Variants in PRLR observed in about 807,000 individuals in gnomAD.
PRLR encodes hPRL receptor.
PRLR carries 13 observed loss-of-function variants against 40.2 expected under a neutral mutation model. That is an observed-to-expected ratio of 0.32 (90% CI 0.21 to 0.51). The LOEUF (loss-of-function observed/expected upper bound fraction) is 0.51, where lower values mean the gene tolerates loss of function less well. PRLR is among the 20% of genes least tolerant of loss of function. The probability of loss-of-function intolerance (pLI) is 0.97; values close to 1 mark genes in which losing one functional copy is unlikely to be tolerated. For missense variants in PRLR, 656 were observed against 747.3 expected (o/e 0.88, Z 1.42); for synonymous variants, 269 against 278.7 (o/e 0.97, Z 0.35).
chr5:35,165,897 T>C (rs1415188057), intron 1 of PRLR, among the ~76,000 whole-genome samples: 3 of 152,222 alleles, frequency 2.0e-5, no homozygotes, highest in Admixed American at 1.3e-4. Context: ...AGGAGAAACC[T>C]GGGACTTGTT....
chr5:35,069,864 G>A lies in PRLR; in HGVS notation c.685+260C>T, dbSNP rs186609463. 6.0e-3 allele frequency among the ~76,000 whole-genome samples: 910 copies of A among 152,306 alleles called. 6 individuals carry two copies. The highest frequency in any genetic ancestry group is 0.01 in the Non-Finnish European group (690 of 68,028). On this transcript the variant is annotated intron_variant, in intron 7 of 9. Coordinates refer to ENST00000618457, the MANE Select transcript of PRLR (RefSeq NM_000949.7). ...GATGGGAATAGGGAAGATGGTGGGA[G>A]CATAATAACTGCTCATCAAGCCCCT...
rs1016717700 is a variant in PRLR, at chr5:35,061,806, G to A, written c.*3283C>T. 6 of 152,070 alleles carry A rather than the reference G, an allele frequency of 3.9e-5. No individual in the cohort carries two copies. Among genetic ancestry groups the A allele is most frequent in the African/African-American group, 1.4e-4 (6 of 41,476 alleles). 9.4% of individuals were successfully genotyped at this position (152,070 alleles called of 1,614,324 possible). A position where few individuals can be genotyped will look rare whatever the true frequency, so the allele number is the denominator to read the frequency against. On this transcript the variant is annotated 3_prime_UTR_variant, in exon 10 of 10. Coordinates refer to ENST00000618457, the MANE Select transcript of PRLR (RefSeq NM_000949.7). The stretch of plus-strand genomic sequence containing the variant: ...TATAACTCAGAGTGTAAGGATACAT[G>A]AGCCAACTGTGCAATGGTTGTTAAC...
At chr5:35,164,663 G>A (rs945142971) in intron 1 of PRLR, among the ~76,000 whole-genome samples, 5 of 152,138 alleles carry the variant, frequency 3.3e-5, no homozygotes, top group Non-Finnish European at 5.9e-5. Context: ...AGCCACAAGC[G>A]TTTAAATTAG....
intron 1 of PRLR, among the ~76,000 whole-genome samples, chr5:35,205,499 A>G (rs1236795079): frequency 6.6e-6 from 1 of 152,058 alleles, no homozygotes; most frequent in Non-Finnish European, 1.5e-5. Flanking sequence ...TCCTCTGCCA[A>G]ATAGAACCAT....
intron 1 of PRLR, among the ~76,000 whole-genome samples, chr5:35,205,443 G>T (rs1206407944): frequency 2.0e-5 from 3 of 152,180 alleles, no homozygotes; most frequent in African/African-American, 7.2e-5. Flanking sequence ...CTTCTTCAAA[G>T]AAAGTAAGTA....
At chr5:35,185,926 C>T (rs572955739) in intron 1 of PRLR, among the ~76,000 whole-genome samples, 4 of 151,944 alleles carry the variant, frequency 2.6e-5, no homozygotes, top group African/African-American at 9.7e-5. Flanking sequence ...TTCTCTGATT[C>T]GTCGAATGTC....
rs1162630190 is a variant in PRLR at position 35,058,311 on chromosome 5, CAGAAG to C, written c.*6773_*6777del. On this transcript the variant is annotated 3_prime_UTR_variant, in exon 10 of 10. Transcript: ENST00000618457. ...ATAACTTCACTTCAATATGGCTTTA[CAGAAG>C]ACACAGTCACCCAACAGGCTGGTTC... 38 of 152,136 alleles carry C rather than the reference CAGAAG, an allele frequency of 2.5e-4. No individual in the cohort carries two copies. The highest frequency in any genetic ancestry group is 8.5e-4 in the African/African-American group (35 of 41,420). 9.4% of individuals were successfully genotyped at this position (152,136 alleles called of 1,614,324 possible).
At chr5:35,070,379 C>G (rs1769672212) in intron 6 of PRLR, 114 bp from the exon 7 acceptor site, 10 of 1,107,482 alleles carry the variant, frequency 9.0e-6, no homozygotes, top group Non-Finnish European at 1.3e-5. Context: ...AGAGAATTCC[C>G]TGCTGTCACT....
intron 5 of PRLR, among the ~76,000 whole-genome samples, chr5:35,077,508 C>A (rs1405747339): frequency 6.6e-6 from 1 of 151,042 alleles, no homozygotes; most frequent in Admixed American, 6.6e-5. Flanking sequence ...TGCTAACTAT[C>A]CTAAATATGT....
At position 35,058,946 on chromosome 5, in the gene PRLR, T is replaced by C. The variant is rs1298194425; in HGVS notation, c.*6143A>G. On this transcript the variant is annotated 3_prime_UTR_variant, in exon 10 of 10. Coordinates refer to ENST00000618457, the MANE Select transcript of PRLR (RefSeq NM_000949.7). ...AGGACATTAGGACACAAAAGGGAGG[T>C]AGTTACTTTAAAAAATTCAAAATTA... The C allele has an allele frequency of 6.6e-6, 1 of 151,908 alleles. No individual in the cohort carries two copies. Among genetic ancestry groups the C allele is most frequent in the East Asian group, 1.9e-4 (1 of 5,176 alleles). 9.4% of individuals were successfully genotyped at this position (151,908 alleles called of 1,614,324 possible). A position where few individuals can be genotyped will look rare whatever the true frequency, so the allele number is the denominator to read the frequency against.
chr5:35,123,958 G>T (rs1222172999), intron 1 of PRLR, among the ~76,000 whole-genome samples: 1 of 152,114 alleles, frequency 6.6e-6, no homozygotes, highest in African/African-American at 2.4e-5. Context: ...ATTTCTGAAA[G>T]AATTATAACA....
chr5:35,087,349 C>T (rs1770918434), intron 3 of PRLR, among the ~76,000 whole-genome samples: 1 of 151,962 alleles, frequency 6.6e-6, no homozygotes, highest in South Asian at 2.1e-4. Flanking sequence ...TCTGTCTCCT[C>T]ATCCACCCCA....
At chr5:35,174,954 C>T (rs1170449549) in intron 1 of PRLR, among the ~76,000 whole-genome samples, 1 of 152,172 alleles carries the variant, frequency 6.6e-6, no homozygotes, top group Non-Finnish European at 1.5e-5. Context: ...ATATTATGTG[C>T]TCAGATCATG....
chr5:35,156,356 C>A (rs1196804455), intron 1 of PRLR, among the ~76,000 whole-genome samples: 1 of 152,034 alleles, frequency 6.6e-6, no homozygotes, highest in Non-Finnish European at 1.5e-5. Context: ...GTCTCTCCAC[C>A]TCTCTCCTTG....
At chr5:35,143,442 A>G (rs572744777) in intron 1 of PRLR, among the ~76,000 whole-genome samples, 1 of 152,334 alleles carries the variant, frequency 6.6e-6, no homozygotes, top group African/African-American at 2.4e-5. Flanking sequence ...TCTGTCTGAC[A>G]TTCCTCCCCT....
intron 5 of PRLR, chr5:35,081,955 A>G: frequency 5.1e-6 from 1 of 197,540 alleles, no homozygotes; most frequent in Non-Finnish European, 1.1e-5. Flanking sequence ...ATTAGGCTGC[A>G]GCAACAGGGT....
At chr5:35,143,026 T>C (rs1461503250) in intron 1 of PRLR, among the ~76,000 whole-genome samples, 1 of 152,246 alleles carries the variant, frequency 6.6e-6, no homozygotes, top group Non-Finnish European at 1.5e-5. Context: ...CTTCACTAGG[T>C]ATATTTTAAC....
chr5:35,121,961 T>A (rs1379394179), intron 1 of PRLR, among the ~76,000 whole-genome samples: 1 of 152,124 alleles, frequency 6.6e-6, no homozygotes, highest in African/African-American at 2.4e-5. Context: ...TATAAACAGG[T>A]CAAGTCCATG....
chr5:35,068,264 C>T lies in PRLR; in HGVS notation c.807G>A (p.Pro269=), dbSNP rs200768734. 6.0e-5 allele frequency: 96 copies of T among 1,613,006 alleles called. 1 individual carries two copies. The East Asian group carries it at 1.2e-3, about 21-fold the overall frequency. The change falls in exon 9 of 10, where the codon CCG becomes CCA. Residue 269 remains proline (P), a synonymous_variant. Coordinates refer to ENST00000618457, the MANE Select transcript of PRLR (RefSeq NM_000949.7). ...CTTTTATTTTTGGCCCAGGAACTGG[C>T]GGAAAGATGCAGGTCACCATGCTAT... The part of the protein sequence containing the change: ...KGYSMVTCIF[P]PVPGPKIKGF...
Sources: gnomAD v4.1 joint callset for allele counts (sites outside exome capture counted in the v4.1 genomes callset) on GRCh38, gnomAD v4.1.1 for gene constraint, MANE v1.5 for transcripts, NCBI Gene and HGNC (gene_info 2026-07-23, HGNC 2026-07-21) for gene names.